The following EPS15L1 variants were observed in gnomAD, a reference collection of about 807,000 sequenced individuals.
The protein encoded by EPS15L1 is epidermal growth factor receptor pathway substrate 15 like 1, also known as epidermal growth factor receptor substrate 15-like 1.
Under a neutral mutation model 117.1 loss-of-function variants are expected in EPS15L1, and 43 were observed. That is an observed-to-expected ratio of 0.37 (90% confidence interval 0.29 to 0.47). The LOEUF (loss-of-function observed/expected upper bound fraction) is 0.47, where lower values mean the gene tolerates loss of function less well. EPS15L1 is among the 20% of genes least tolerant of loss of function. The pLI, the probability that EPS15L1 is intolerant of heterozygous loss-of-function variation, is 0.99. For missense variants in EPS15L1, 981 were observed against 1,164.0 expected, an observed-to-expected ratio of 0.84 and a Z score of 2.29; for synonymous variants, 459 against 470.5, an observed-to-expected ratio of 0.98 and a Z score of 0.32.
intron 13 of EPS15L1, among the ~76,000 whole-genome samples, chr19:16,408,940 G>A (rs2092682324): frequency 1.3e-5 from 2 of 152,168 alleles, no homozygotes; most frequent in East Asian, 3.8e-4. Flanking sequence ...AAATGGCACT[G>A]GCCCAGCATG....
At chr19:16,465,710 C>A (rs749917980) in intron 1 of EPS15L1, among the ~76,000 whole-genome samples, 3 of 152,004 alleles carry the variant, frequency 2.0e-5, no homozygotes, top group Non-Finnish European at 4.4e-5. Context: ...AATAAGCAGG[C>A]CTTTCCATGT....
chr19:16,429,450 TG>T (rs2092908453), intron 7 of EPS15L1, among the ~76,000 whole-genome samples: 2 of 152,214 alleles, frequency 1.3e-5, no homozygotes, highest in African/African-American at 4.8e-5. Context: ...CTATCCATGA[TG>T]CTTCATGTGT....
At chr19:16,436,655 C>A in intron 6 of EPS15L1, 1 of 359,182 alleles carries the variant, frequency 2.8e-6, no homozygotes, top group Non-Finnish European at 5.1e-6. Context: ...AAGATTTAAA[C>A]TGCAGCCCTT....
intron 19 of EPS15L1, among the ~76,000 whole-genome samples, chr19:16,387,276 C>T (rs2092429791): frequency 6.6e-6 from 1 of 152,196 alleles, no homozygotes; most frequent in Non-Finnish European, 1.5e-5. Flanking sequence ...CCAGCCTGGA[C>T]AACATGGCAA....
At position 16,463,525 on chromosome 19, in the gene EPS15L1, G is replaced by C. The variant is rs1040305127; in HGVS notation, c.33+8388C>G. Among the ~76,000 whole-genome samples, 30 of 152,248 alleles carry C rather than the reference G, an allele frequency of 2.0e-4. No individual in the cohort carries two copies. In the Middle Eastern group the frequency reaches 0.01, roughly 52 times the overall value. ...TGTGTAAGCAGCCAGATCATCTAAA[G>C]GTGTCACTCCTCAAGAACCTGCCAT... On this transcript the variant is annotated intron_variant, in intron 1 of 23. Coordinates refer to ENST00000455140, the MANE Select transcript of EPS15L1 (RefSeq NM_001258374.3).
At chr19:16,436,097 T>C (rs1403166602) in intron 6 of EPS15L1, among the ~76,000 whole-genome samples, 1 of 152,206 alleles carries the variant, frequency 6.6e-6, no homozygotes, top group Non-Finnish European at 1.5e-5. Flanking sequence ...CTCAGTCACA[T>C]GACATATCTT....
chr19:16,430,401 C>A lies in EPS15L1; in HGVS notation c.499-1640G>T, dbSNP rs368533262. On this transcript the variant is annotated intron_variant, in intron 7 of 23. Coordinates refer to ENST00000455140, the MANE Select transcript of EPS15L1 (RefSeq NM_001258374.3). ...AGTAGGACCTCATCCCTTCTCCACC[C>A]TTCCACAACTGTGCAACCAAGGTGA... is the stretch of plus-strand genomic sequence containing the variant. Among the ~76,000 whole-genome samples the A allele has an allele frequency of 3.9e-5, 6 of 152,318 alleles. No homozygotes were observed. The East Asian group carries it at 7.7e-4, about 20-fold the overall frequency.
intron 19 of EPS15L1, among the ~76,000 whole-genome samples, chr19:16,391,531 C>T (rs2092474006): frequency 6.6e-6 from 1 of 151,872 alleles, no homozygotes; most frequent in Non-Finnish European, 1.5e-5. Flanking sequence ...CTGAGCAGGC[C>T]CCGGGCCTGG....
At chr19:16,391,551 T>C (rs2092474411) in intron 19 of EPS15L1, among the ~76,000 whole-genome samples, 2 of 150,888 alleles carry the variant, frequency 1.3e-5, no homozygotes. Context: ...GGTTGCAGCC[T>C]AGAAAACGGA....
intron 9 of EPS15L1, among the ~76,000 whole-genome samples, chr19:16,423,850 G>A (rs2092841481): frequency 6.6e-6 from 1 of 152,202 alleles, no homozygotes; most frequent in East Asian, 1.9e-4. Context: ...CAGAAACAAG[G>A]GGGGTTCTGT....
chr19:16,379,523 T>G (rs2092336518), intron 21 of EPS15L1, among the ~76,000 whole-genome samples: 1 of 152,198 alleles, frequency 6.6e-6, no homozygotes, highest in African/African-American at 2.4e-5. Context: ...GGGGAAAAGG[T>G]CTACCACCAC....
chr19:16,443,783 T>C (rs1307538700), intron 1 of EPS15L1, among the ~76,000 whole-genome samples: 2 of 151,306 alleles, frequency 1.3e-5, no homozygotes, highest in African/African-American at 2.4e-5. Context: ...CACCTGTGAA[T>C]GTATAAAGAA....
chr19:16,380,448 C>A (rs1204738036), intron 21 of EPS15L1, among the ~76,000 whole-genome samples: 2 of 152,144 alleles, frequency 1.3e-5, no homozygotes, highest in Non-Finnish European at 2.9e-5. Context: ...CCAATGCAGC[C>A]GTCTAAGGCT....
chr19:16,365,040 G>A lies in EPS15L1; in HGVS notation c.2381-3056C>T, dbSNP rs2092114490. On this transcript the variant is annotated intron_variant, in intron 22 of 23. Transcript: ENST00000455140. The surrounding 1 kb of genome is among the most constrained non-coding windows in gnomAD (Gnocchi z 4.9). ...CCCCCAAACCCAGGGCTTCTTTCCT[G>A]GCTATGCCTTGTCCCTCTGCCTGGA... Among the ~76,000 whole-genome samples the A allele has an allele frequency of 6.6e-6, 1 of 152,220 alleles. No homozygotes were observed. Among genetic ancestry groups the A allele is most frequent in the Non-Finnish European group, 1.5e-5 (1 of 68,038 alleles).
chr19:16,444,577 A>G (rs1052836811), intron 1 of EPS15L1, among the ~76,000 whole-genome samples: 1 of 152,198 alleles, frequency 6.6e-6, no homozygotes, highest in Admixed American at 6.5e-5. Flanking sequence ...GTCATCTGTC[A>G]GTAAAGGTGA....
intron 1 of EPS15L1, among the ~76,000 whole-genome samples, chr19:16,469,621 G>C (rs969473095): frequency 6.6e-6 from 1 of 152,190 alleles, no homozygotes; most frequent in African/African-American, 2.4e-5. Flanking sequence ...AGGAGATTCT[G>C]AGATGATGTC....
rs200287491 is a variant in EPS15L1 at position 16,385,161 on chromosome 19, C to T, written c.2215G>A (p.Glu739Lys). The T allele has an allele frequency of 1.2e-4, 201 of 1,614,188 alleles. 2 individuals carry two copies. The East Asian group carries it at 4.1e-3, about 33-fold the overall frequency. Residue 739 changes from glutamate to lysine, a missense_variant, in exon 21 of 24, where the codon GAA becomes AAA. This residue lies in a region of EPS15L1 where 819 missense variants were observed against 949.0 expected (regional missense o/e 0.86). Transcript: ENST00000455140. ...ATCTGGCTGAAGTCGGCAAAGCCTT[C>T]AGCACTATTGAAGGACCCACTTCCG... ...PFGSGSFNSA[E>K]GFADFSQMSK... is the part of the protein sequence containing the mutation.
chr19:16,449,285 C>G (rs1472930297), intron 1 of EPS15L1, among the ~76,000 whole-genome samples: 1 of 151,422 alleles, frequency 6.6e-6, no homozygotes, highest in African/African-American at 2.4e-5. Context: ...CAAAAAAACA[C>G]GAAGAAGAAA....
At chr19:16,418,501 G>A (rs1171574610) in intron 10 of EPS15L1, among the ~76,000 whole-genome samples, 1 of 152,252 alleles carries the variant, frequency 6.6e-6, no homozygotes, top group African/African-American at 2.4e-5. Context: ...ACCAAGCATT[G>A]TCCCTGTAGC....
Sources: gnomAD v4.1 joint callset for allele counts (sites outside exome capture counted in the v4.1 genomes callset) on GRCh38, gnomAD v4.1.1 for gene constraint, gnomAD v4.1.1 regional missense constraint, Gnocchi (gnomAD v3.1) non-coding constraint, MANE v1.5 for transcripts, NCBI Gene and HGNC (gene_info 2026-07-23, HGNC 2026-07-21) for gene names.